PRKN: variants seen among roughly 807,000 people sequenced by gnomAD.
The protein encoded by PRKN is parkin RBR E3 ubiquitin protein ligase.
PRKN carries 56 observed loss-of-function variants against 59.5 expected under a neutral mutation model. The ratio of observed to expected loss-of-function variants is 0.94; its 90% CI spans 0.76 to 1.18. The LOEUF is 1.18. Ranked by LOEUF, PRKN falls within the 50% of genes most tolerant of loss-of-function variation. The pLI, the probability that PRKN is intolerant of heterozygous loss-of-function variation, is 0.00. For synonymous variants in PRKN, 250 were observed against 222.1 expected, an observed-to-expected ratio of 1.13 and a Z score of -1.12; for missense variants, 657 against 596.4, an observed-to-expected ratio of 1.10 and a Z score of -1.06.
chr6:162,533,302 T>C (rs763262108), intron 1 of PRKN, among the ~76,000 whole-genome samples: 2 of 152,118 alleles, frequency 1.3e-5, no homozygotes, highest in Non-Finnish European at 2.9e-5. Flanking sequence ...GGTGGGTGGG[T>C]CAGTTGAGGT....
chr6:162,133,740 A>G (rs1312441969), intron 4 of PRKN, among the ~76,000 whole-genome samples: 1 of 152,170 alleles, frequency 6.6e-6, no homozygotes, highest in African/African-American at 2.4e-5. Flanking sequence ...GCAGCCAAAG[A>G]GAAGTGGCCC....
intron 9 of PRKN, among the ~76,000 whole-genome samples, chr6:161,439,661 C>T (rs747258567): frequency 5.9e-5 from 9 of 151,946 alleles, no homozygotes; most frequent in Non-Finnish European, 1.2e-4. Flanking sequence ...CGGTTTGTGC[C>T]AAAGAGCTAG....
Position 161,396,974 on chromosome 6 carries a change from T to C in PRKN, c.1084-10097A>G, listed in dbSNP as rs1047632271. ...GTCAAAATGATACATTAACCCTTTA[T>C]TGTATGTTGAGCAGTCTCATAGGTG... is the stretch of plus-strand genomic sequence containing the variant. On this transcript the variant is annotated intron_variant, in intron 9 of 11. Transcript: ENST00000366898. The surrounding 1 kb of genome is among the most constrained non-coding windows in gnomAD (Gnocchi z 5.4). 1.3e-4 allele frequency among the ~76,000 whole-genome samples: 20 copies of C among 152,318 alleles called. No individual in the cohort carries two copies. The highest frequency in any genetic ancestry group is 3.8e-4 in the African/African-American group (16 of 41,568).
At position 161,395,526 on chromosome 6, in the gene PRKN, C is replaced by T. The variant is rs565970431; in HGVS notation, c.1084-8649G>A. 2.0e-5 allele frequency among the ~76,000 whole-genome samples: 3 copies of T among 152,308 alleles called. No individual in the cohort carries two copies. The highest frequency in any genetic ancestry group is 7.2e-5 in the African/African-American group (3 of 41,568). On this transcript the variant is annotated intron_variant, in intron 9 of 11. Transcript: ENST00000366898. The surrounding 1 kb of genome is among the most constrained non-coding windows in gnomAD (Gnocchi z 5.0). ...ATAGCTGGGTCCAAGGGCATATGGA[C>T]TTTCCATTTTGATTGCTTTCGCGAG... is the stretch of plus-strand genomic sequence containing the variant.
chr6:161,402,858 A>G lies in PRKN; in HGVS notation c.1084-15981T>C, dbSNP rs1179903879. On this transcript the variant is annotated intron_variant, in intron 9 of 11. Coordinates refer to ENST00000366898, the MANE Select transcript of PRKN (RefSeq NM_004562.3). The surrounding 1 kb of genome is among the most constrained non-coding windows in gnomAD (Gnocchi z 4.5). Reference sequence around the variant, plus strand: ...TAAAAGTTGTCTCCGAGCAGCCCTGAGCAGAACAGGCAGTAGTCTCTCCAG... The same window carrying G: ...TAAAAGTTGTCTCCGAGCAGCCCTGGGCAGAACAGGCAGTAGTCTCTCCAG... 1.3e-5 allele frequency among the ~76,000 whole-genome samples: 2 copies of G among 152,138 alleles called. No homozygotes were observed. Among genetic ancestry groups the G allele is most frequent in the Non-Finnish European group, 2.9e-5 (2 of 68,036 alleles).
At chr6:162,704,046 C>G (rs919974958) in intron 1 of PRKN, among the ~76,000 whole-genome samples, 3 of 152,084 alleles carry the variant, frequency 2.0e-5, no homozygotes, top group Non-Finnish European at 2.9e-5. Context: ...GCAGGAGATG[C>G]ACAATTTGGA....
intron 3 of PRKN, among the ~76,000 whole-genome samples, chr6:162,230,172 AT>A (rs1160930990): frequency 6.6e-6 from 1 of 152,266 alleles, no homozygotes; most frequent in Non-Finnish European, 1.5e-5. Flanking sequence ...GTCATTACAT[AT>A]GTATATATGC....
At chr6:162,691,855 G>C (rs1777785874) in intron 1 of PRKN, among the ~76,000 whole-genome samples, 2 of 152,130 alleles carry the variant, frequency 1.3e-5, no homozygotes, top group South Asian at 4.1e-4. Flanking sequence ...AGCAGCAGTA[G>C]CAGCCTGGGG....
chr6:161,989,019 A>G (rs1228938365), intron 5 of PRKN, among the ~76,000 whole-genome samples: 1 of 152,174 alleles, frequency 6.6e-6, no homozygotes, highest in African/African-American at 2.4e-5. Flanking sequence ...TACATGTGCC[A>G]TGTTGGTGTG....
chr6:162,433,367 A>T (rs1202519600), intron 2 of PRKN, among the ~76,000 whole-genome samples: 2 of 152,196 alleles, frequency 1.3e-5, no homozygotes, highest in Non-Finnish European at 2.9e-5. Context: ...GTACTTCATT[A>T]TAACAGTGTA....
rs147700410 is a variant in PRKN, at chr6:161,734,594, C to T, written c.871+51178G>A. Among the ~76,000 whole-genome samples the T allele has an allele frequency of 3.7e-4, 56 of 152,142 alleles. 1 individual carries two copies. The highest frequency in any genetic ancestry group is 7.2e-4 in the Admixed American group (11 of 15,298). ...AAGTGTGTGGTAATTTGTTGAGCTGCGGCAATAGAAAATGAATACAGTGAC... is the reference window on the plus strand; with the variant it reads ...AAGTGTGTGGTAATTTGTTGAGCTGTGGCAATAGAAAATGAATACAGTGAC... On this transcript the variant is annotated intron_variant, in intron 7 of 11. Transcript: ENST00000366898.
chr6:161,891,345 T>C (rs1457641558), intron 6 of PRKN, among the ~76,000 whole-genome samples: 2 of 152,222 alleles, frequency 1.3e-5, no homozygotes, highest in Admixed American at 6.5e-5. Flanking sequence ...GTGACTTTTC[T>C]TTTTAATCTA....
chr6:161,920,303 G>A lies in PRKN; in HGVS notation c.734+52999C>T, dbSNP rs145836578. 1.5e-3 allele frequency among the ~76,000 whole-genome samples: 234 copies of A among 152,184 alleles called. 1 individual carries two copies. The highest frequency in any genetic ancestry group is 2.5e-3 in the Non-Finnish European group (172 of 68,028). The stretch of plus-strand genomic sequence containing the variant: ...GGAGGCTGAGGCATGAGACGTGCTT[G>A]AACCTAGGAGGTGGAGGTTGCAGTG... On this transcript the variant is annotated intron_variant, in intron 6 of 11. Transcript: ENST00000366898.
chr6:162,079,668 C>T (rs1463854618), intron 4 of PRKN, among the ~76,000 whole-genome samples: 1 of 152,162 alleles, frequency 6.6e-6, no homozygotes, highest in South Asian at 2.1e-4. Context: ...GCCCACTTCC[C>T]TCCTTCCCCA....
At chr6:162,082,682 A>C in intron 4 of PRKN, among the ~76,000 whole-genome samples, 1 of 152,062 alleles carries the variant, frequency 6.6e-6, no homozygotes, top group Admixed American at 6.6e-5. Context: ...GCTTTGATTT[A>C]AGTGAGAGAC....
At chr6:161,760,522 C>A (rs1290357862) in intron 7 of PRKN, among the ~76,000 whole-genome samples, 1 of 151,946 alleles carries the variant, frequency 6.6e-6, no homozygotes, top group Non-Finnish European at 1.5e-5. Flanking sequence ...GGCCCCTCCT[C>A]CTCCTGTGTG....
At chr6:162,530,826 G>A (rs907222857) in intron 1 of PRKN, among the ~76,000 whole-genome samples, 3 of 152,142 alleles carry the variant, frequency 2.0e-5, no homozygotes, top group African/African-American at 7.2e-5. Flanking sequence ...GGAAGCCGAG[G>A]TGGGTGGAAT....
intron 2 of PRKN, among the ~76,000 whole-genome samples, chr6:162,429,930 C>T (rs923078006): frequency 6.6e-6 from 1 of 152,160 alleles, no homozygotes; most frequent in Admixed American, 6.5e-5. Context: ...CTCACTTTTG[C>T]CATTTGTTTA....
At chr6:161,534,065 G>C (rs372279689) in intron 9 of PRKN, among the ~76,000 whole-genome samples, 17 of 151,826 alleles carry the variant, frequency 1.1e-4, no homozygotes, top group African/African-American at 4.1e-4. Flanking sequence ...GGAAGCCCTT[G>C]CCTGGCCTCC....
Sources: allele counts gnomAD v4.1 joint callset (sites outside exome capture counted in the v4.1 genomes callset), GRCh38; gene constraint gnomAD v4.1.1; non-coding constraint Gnocchi (gnomAD v3.1); transcripts MANE v1.5; gene names NCBI Gene and HGNC (gene_info 2026-07-23, HGNC 2026-07-21).